The following MSH3 variants were observed in gnomAD, a reference collection of about 807,000 sequenced individuals.
MSH3 encodes the protein mutS homolog 3.
In MSH3, 106 loss-of-function variants were observed where a neutral mutation model predicts 123.3. The observed-to-expected ratio is 0.86, with a 90% CI of 0.73 to 1.01. MSH3 has a LOEUF of 1.01. Ranked by LOEUF, MSH3 falls within the 50% of genes least tolerant of loss-of-function variation. The probability of loss-of-function intolerance (pLI) is 0.00; values close to 1 mark genes in which losing one functional copy is unlikely to be tolerated. For synonymous variants in MSH3, 515 were observed against 481.4 expected (o/e 1.07, Z -0.91); for missense variants, 1,459 against 1,347.6 (o/e 1.08, Z -1.29).
intron 4 of MSH3, 107 bp from the exon 5 acceptor site, chr5:80,672,137 A>G (rs1749737684): frequency 1.2e-6 from 1 of 844,856 alleles, no homozygotes; most frequent in Admixed American, 2.1e-5. Context: ...GATTAAGTGT[A>G]CAAATCCTAA....
At chr5:80,834,896 A>G (rs909649619) in intron 20 of MSH3, among the ~76,000 whole-genome samples, 1 of 152,182 alleles carries the variant, frequency 6.6e-6, no homozygotes, top group Non-Finnish European at 1.5e-5. Flanking sequence ...CAGAAACCAG[A>G]ACACCTAATA....
At position 80,761,559 on chromosome 5, in the gene MSH3, C is replaced by G; in HGVS notation, c.1777C>G (p.Arg593Gly). The change falls in exon 13 of 24, where the codon CGG becomes GGG. Residue 593 changes from arginine to glycine, a missense_variant. Coordinates refer to ENST00000265081, the MANE Select transcript of MSH3 (RefSeq NM_002439.5). The stretch of plus-strand genomic sequence containing the variant: ...CTTTTCTCACAGGGAAATAAATGCC[C>G]GGCTTGATGCTGTATCGGAAGTTCT... The part of the protein sequence containing the change: ...PLLKLREINA[R>G]LDAVSEVLHS... 1 of 1,613,914 alleles carries G rather than the reference C, an allele frequency of 6.2e-7. No homozygotes were observed. The highest frequency in any genetic ancestry group is 8.5e-7 in the Non-Finnish European group (1 of 1,179,948).
chr5:80,762,006 G>GA (rs201855246), intron 13 of MSH3, among the ~76,000 whole-genome samples: 76 of 146,228 alleles, frequency 5.2e-4, no homozygotes, highest in Middle Eastern at 7.1e-3. Flanking sequence ...TGTTATTTTA[G>GA]AAAAAAAAAA....
At position 80,692,356 on chromosome 5, in the gene MSH3, ATAGATAAACATGTATATGTT is replaced by A. The variant is rs1290965778; in HGVS notation, c.1340+13270_1340+13289del. Among the ~76,000 whole-genome samples, 18 of 62,296 alleles carry A rather than the reference ATAGATAAACATGTATATGTT, an allele frequency of 2.9e-4. 1 individual carries two copies. The South Asian group carries it at 4.4e-3, about 15-fold the overall frequency. 40.9% of individuals were successfully genotyped at this position (62,296 alleles called of 152,430 possible). A position where few individuals can be genotyped will look rare whatever the true frequency, so the allele number is the denominator to read the frequency against. On this transcript the variant is annotated intron_variant, in intron 8 of 23. Coordinates refer to ENST00000265081, the MANE Select transcript of MSH3 (RefSeq NM_002439.5). ...GATAGATAAACATGTATATGTTTAG[ATAGATAAACATGTATATGTT>A]TAGATAGATAAACATGTATATGTTT...
intron 19 of MSH3, 67 bp downstream of exon 19, chr5:80,792,911 T>A: frequency 9.7e-7 from 1 of 1,030,786 alleles, no homozygotes; most frequent in Non-Finnish European, 1.5e-6. Flanking sequence ...CAAAGAAACA[T>A]TTTTATAATT....
At chr5:80,744,221 C>T (rs895031590) in intron 11 of MSH3, among the ~76,000 whole-genome samples, 2 of 152,016 alleles carry the variant, frequency 1.3e-5, no homozygotes, top group Admixed American at 6.6e-5. Context: ...GGAAAGTATG[C>T]AATTATATTT....
intron 8 of MSH3, among the ~76,000 whole-genome samples, chr5:80,686,709 A>G (rs898412732): frequency 6.6e-6 from 1 of 152,136 alleles, no homozygotes; most frequent in East Asian, 1.9e-4. Context: ...GTTTTTGGTG[A>G]TATCTTCTTG....
chr5:80,751,896 C>G (rs1344792498), intron 12 of MSH3, among the ~76,000 whole-genome samples: 1 of 152,064 alleles, frequency 6.6e-6, no homozygotes, highest in Non-Finnish European at 1.5e-5. Flanking sequence ...CATCTCTTTA[C>G]TAGAAACAAG....
At chr5:80,867,049 C>T (rs1303130391) in intron 22 of MSH3, among the ~76,000 whole-genome samples, 1 of 152,192 alleles carries the variant, frequency 6.6e-6, no homozygotes, top group Non-Finnish European at 1.5e-5. Flanking sequence ...TGGCTGCTGT[C>T]TGGGCCTGCG....
intron 8 of MSH3, among the ~76,000 whole-genome samples, chr5:80,704,632 A>G (rs1164240198): frequency 6.6e-6 from 1 of 152,188 alleles, no homozygotes; most frequent in African/African-American, 2.4e-5. Flanking sequence ...ATGTGAGGCA[A>G]ATAAGGTGGT....
At chr5:80,762,825 G>GTTATTT (rs59106049) in intron 13 of MSH3, among the ~76,000 whole-genome samples, 1 of 140,412 alleles carries the variant, frequency 7.1e-6, no homozygotes, top group Non-Finnish European at 1.5e-5. Context: ...GTTATGTTAT[G>GTTATTT]TTATGTTATT....
At position 80,873,157 on chromosome 5, in the gene MSH3, C is replaced by T. The variant is rs752664887; in HGVS notation, c.3172C>T (p.Gln1058Ter). ...CCCTGATTTTGTCACCTTCCTTTAC[C>T]AAATAACTAGAGGAATTGCAGCAAG... ...QVPDFVTFLY[Q>*]ITRGIAARSY... Residue 1058 changes from glutamine to a stop codon, truncating the protein, a stop_gained, in exon 23 of 24, where the codon CAA (glutamine) becomes TAA (stop). Coordinates refer to ENST00000265081, the MANE Select transcript of MSH3 (RefSeq NM_002439.5). LOFTEE classifies it high-confidence loss of function. 7 of 1,613,556 alleles carry T rather than the reference C, an allele frequency of 4.3e-6. No individual in the cohort carries two copies. Among genetic ancestry groups the T allele is most frequent in the Admixed American group, 1.7e-5 (1 of 60,002 alleles).
chr5:80,711,076 CAA>C, intron 8 of MSH3, among the ~76,000 whole-genome samples: 1 of 152,276 alleles, frequency 6.6e-6, no homozygotes, highest in Non-Finnish European at 1.5e-5. Context: ...AAGGTATAAT[CAA>C]AAGTGTAGAA....
At chr5:80,861,349 C>G (rs990271544) in intron 21 of MSH3, among the ~76,000 whole-genome samples, 15 of 152,146 alleles carry the variant, frequency 9.9e-5, no homozygotes, top group Admixed American at 9.8e-4. Flanking sequence ...ACCTCCCTCC[C>G]ACCCCTCAGG....
At chr5:80,842,268 CT>C (rs1745640545) in intron 20 of MSH3, among the ~76,000 whole-genome samples, 1 of 151,986 alleles carries the variant, frequency 6.6e-6, no homozygotes, top group African/African-American at 2.4e-5. Flanking sequence ...GTCTATATAT[CT>C]GTTTTGGTAC....
At chr5:80,749,565 T>C (rs1743794665) in intron 12 of MSH3, among the ~76,000 whole-genome samples, 1 of 152,192 alleles carries the variant, frequency 6.6e-6, no homozygotes, top group Admixed American at 6.5e-5. Flanking sequence ...AACAATACTT[T>C]GCATCCTTCC....
At chr5:80,750,151 T>C (rs1284077949) in intron 12 of MSH3, among the ~76,000 whole-genome samples, 1 of 150,494 alleles carries the variant, frequency 6.6e-6, no homozygotes, top group Non-Finnish European at 1.5e-5. Context: ...GTGGACACTT[T>C]GGTTGTTTCC....
Position 80,658,956 on chromosome 5 carries a change from A to G in MSH3, c.358+2425A>G, listed in dbSNP as rs1362150230. ...TTATTAAGATATAGTTCTTGGGGCC[A>G]GGCACGGTGGCTCACGCCTGTAATC... On this transcript the variant is annotated intron_variant, in intron 2 of 23. Coordinates refer to ENST00000265081, the MANE Select transcript of MSH3 (RefSeq NM_002439.5). Among the ~76,000 whole-genome samples the G allele has an allele frequency of 4.6e-5, 7 of 152,202 alleles. No homozygotes were observed. The South Asian group carries it at 1.2e-3, about 27-fold the overall frequency.
intron 20 of MSH3, among the ~76,000 whole-genome samples, chr5:80,823,523 A>G (rs940694181): frequency 2.6e-5 from 4 of 152,138 alleles, no homozygotes; most frequent in African/African-American, 7.2e-5. Flanking sequence ...TTAGGAGTTG[A>G]TGGCATTCTG....
Sources: gnomAD v4.1 joint callset for allele counts (sites outside exome capture counted in the v4.1 genomes callset) on GRCh38, gnomAD v4.1.1 for gene constraint, MANE v1.5 for transcripts, NCBI Gene and HGNC (gene_info 2026-07-23, HGNC 2026-07-21) for gene names.